The following CLASP2 variants were observed in gnomAD, a reference collection of about 807,000 sequenced individuals.
The protein encoded by CLASP2 is CLIP-associating protein 2.
A neutral mutation model predicts 194.4 loss-of-function variants in CLASP2; 47 were observed. The ratio of observed to expected loss-of-function variants is 0.24; its 90% CI spans 0.19 to 0.31. CLASP2 has a LOEUF of 0.31. Ranked by LOEUF, CLASP2 falls within the 10% of genes least tolerant of loss-of-function variation. The pLI, the probability that CLASP2 is intolerant of heterozygous loss-of-function variation, is 1.00. For missense variants in CLASP2, 1,445 were observed against 1,823.6 expected, an observed-to-expected ratio of 0.79 and a Z score of 3.78; for synonymous variants, 619 against 633.5, an observed-to-expected ratio of 0.98 and a Z score of 0.34.
chr3:33,603,782 C>T (rs112334355), intron 17 of CLASP2, among the ~76,000 whole-genome samples: 14,972 of 152,100 alleles, frequency 0.098, 779 homozygotes, highest in African/African-American at 0.12. Context: ...GCCACCATGC[C>T]CTGCTAATTT....
rs762518501 is a variant in CLASP2, at chr3:33,602,937, A to T, written c.1924+15T>A. 9.4e-6 allele frequency: 15 copies of T among 1,602,986 alleles called. No homozygotes were observed. Among genetic ancestry groups the T allele is most frequent in the South Asian group, 2.2e-5 (2 of 88,930 alleles). On this transcript the variant is annotated intron_variant, in intron 18 of 38. Transcript: ENST00000682230. Reference sequence around the variant, plus strand: ...GAGAGAACATGGTACAATTTTCCATAATCAGTTCTCTTACCTAGTGACGCA... The same window carrying T: ...GAGAGAACATGGTACAATTTTCCATTATCAGTTCTCTTACCTAGTGACGCA...
chr3:33,636,560 G>C (rs891779311), intron 8 of CLASP2, among the ~76,000 whole-genome samples: 8 of 152,160 alleles, frequency 5.3e-5, no homozygotes, highest in African/African-American at 1.9e-4. Flanking sequence ...AATATATATA[G>C]AAGATATGAA....
At chr3:33,688,685 C>G (rs779399736) in intron 3 of CLASP2, among the ~76,000 whole-genome samples, 3 of 152,142 alleles carry the variant, frequency 2.0e-5, no homozygotes, top group African/African-American at 4.8e-5. Context: ...AATTAAGAAA[C>G]CTTCAATAAC....
chr3:33,599,928 T>C (rs190461541), intron 18 of CLASP2, among the ~76,000 whole-genome samples: 4 of 152,048 alleles, frequency 2.6e-5, no homozygotes, highest in Non-Finnish European at 5.9e-5. Flanking sequence ...CAATGAAACA[T>C]GAAATTCAAA....
At chr3:33,669,320 A>T (rs2086732444) in intron 6 of CLASP2, among the ~76,000 whole-genome samples, 1 of 152,240 alleles carries the variant, frequency 6.6e-6, no homozygotes, top group African/African-American at 2.4e-5. Context: ...AAACGTTAAG[A>T]CAATTACATA....
chr3:33,688,417 T>C (rs991262252), intron 3 of CLASP2, 49 bp from the exon 4 acceptor site: 3 of 1,302,486 alleles, frequency 2.3e-6, no homozygotes, highest in Non-Finnish European at 3.2e-6. Flanking sequence ...AAATTATTCA[T>C]GTTATAATCT....
At position 33,551,645 on chromosome 3, in the gene CLASP2, C is replaced by T. The variant is rs190461357; in HGVS notation, c.3010-250G>A. ...GGTGATTAATACTACAATCACCTAC[C>T]TACCTGAGGTACAAGTATATGACAG... On this transcript the variant is annotated intron_variant, in intron 29 of 38. Transcript: ENST00000682230. Among the ~76,000 whole-genome samples, 227 of 152,296 alleles carry T rather than the reference C, an allele frequency of 1.5e-3. 1 individual carries two copies. The highest frequency in any genetic ancestry group is 0.014 in the Middle Eastern group (4 of 294).
At chr3:33,527,691 A>C (rs1018270834) in intron 34 of CLASP2, among the ~76,000 whole-genome samples, 31 of 152,182 alleles carry the variant, frequency 2.0e-4, no homozygotes, top group African/African-American at 7.5e-4. Context: ...ACCCCAGCAC[A>C]TTACAACAAC....
chr3:33,529,765 A>G (rs920581212), intron 34 of CLASP2, among the ~76,000 whole-genome samples: 2 of 151,794 alleles, frequency 1.3e-5, no homozygotes, highest in African/African-American at 4.8e-5. Context: ...GTGGATCATG[A>G]GGTCAGGAGA....
At chr3:33,596,760 C>G (rs2070508348) in intron 18 of CLASP2, 26 bp from the exon 19 acceptor site, 1 of 1,534,364 alleles carries the variant, frequency 6.5e-7, no homozygotes, top group Non-Finnish European at 8.8e-7. Context: ...AAGCAAAGAA[C>G]AGAGGAAAAC....
intron 34 of CLASP2, among the ~76,000 whole-genome samples, chr3:33,534,030 G>A (rs1047562007): frequency 1.3e-5 from 2 of 151,958 alleles, no homozygotes; most frequent in Non-Finnish European, 2.9e-5. Flanking sequence ...CTGTTCTTAC[G>A]ATGCCTGACA....
intron 1 of CLASP2, among the ~76,000 whole-genome samples, chr3:33,711,538 G>A (rs1205357338): frequency 3.3e-5 from 5 of 151,734 alleles, no homozygotes; most frequent in African/African-American, 9.7e-5. Context: ...GGGATTACAG[G>A]TGTGAGCCAC....
intron 1 of CLASP2, among the ~76,000 whole-genome samples, chr3:33,713,692 T>C (rs1387032068): frequency 6.6e-6 from 1 of 151,972 alleles, no homozygotes; most frequent in African/African-American, 2.4e-5. Context: ...TTTTTTTTTT[T>C]CTCTCCCCTG....
At chr3:33,563,463 T>G (rs369827927) in intron 27 of CLASP2, among the ~76,000 whole-genome samples, 8 of 152,232 alleles carry the variant, frequency 5.3e-5, no homozygotes, top group Middle Eastern at 3.2e-3. Context: ...ATTTCTGACC[T>G]CAGGTCTGGA....
intron 7 of CLASP2, among the ~76,000 whole-genome samples, chr3:33,658,103 GA>G (rs1175314922): frequency 6.6e-6 from 1 of 151,958 alleles, no homozygotes; most frequent in Non-Finnish European, 1.5e-5. Context: ...AATGAAAAAA[GA>G]AAAAAAGCTC....
intron 8 of CLASP2, 33 bp downstream of exon 8, chr3:33,644,724 A>T: frequency 6.2e-7 from 1 of 1,611,118 alleles, no homozygotes; most frequent in Non-Finnish European, 8.5e-7. Flanking sequence ...GGCATGGAGC[A>T]TGCATAACAG....
In CLASP2 at chr3:33,529,292, C is replaced by T. The variant is rs193077468; in HGVS notation, c.3787+5941G>A. Among the ~76,000 whole-genome samples, 109 of 152,238 alleles carry T rather than the reference C, an allele frequency of 7.2e-4. 1 individual carries two copies. Among genetic ancestry groups the T allele is most frequent in the Admixed American group, 2.2e-3 (34 of 15,298 alleles). ...AATGCTATTCCTATCAAACTACCAA[C>T]GACATTCTTCACAGAACTTGAAAAA... On this transcript the variant is annotated intron_variant, in intron 34 of 38. Transcript: ENST00000682230.
intron 29 of CLASP2, chr3:33,558,420 C>T (rs919675520): frequency 6.6e-6 from 1 of 151,928 alleles, no homozygotes; most frequent in African/African-American, 2.4e-5. Context: ...AAATATATTT[C>T]GTGCAGGATA....
Position 33,501,639 on chromosome 3 carries a change from C to G in CLASP2, c.4434+13G>C. 3 of 1,504,610 alleles carry G rather than the reference C, an allele frequency of 2.0e-6. No homozygotes were observed. In the South Asian group the frequency reaches 3.4e-5, roughly 17 times the overall value. 93.2% of individuals were successfully genotyped at this position (1,504,610 alleles called of 1,614,324 possible). ...TATGGCCACCATCTCTAAAACACAGCAGCACTACTTACTTTACTGCCAGTA... is the reference window on the plus strand; with the variant it reads ...TATGGCCACCATCTCTAAAACACAGGAGCACTACTTACTTTACTGCCAGTA... On this transcript the variant is annotated intron_variant, in intron 38 of 38. Coordinates refer to ENST00000682230, the MANE Select transcript of CLASP2 (RefSeq NM_001365631.1).
Sources: gnomAD v4.1 joint callset for allele counts (sites outside exome capture counted in the v4.1 genomes callset) on GRCh38, gnomAD v4.1.1 for gene constraint, MANE v1.5 for transcripts, NCBI Gene and HGNC (gene_info 2026-07-23, HGNC 2026-07-21) for gene names.